L3MBTL3: variants seen among roughly 807,000 people sequenced by gnomAD.
L3MBTL3 encodes lethal(3)malignant brain tumor-like protein 3.
L3MBTL3 carries 27 observed loss-of-function variants against 102.3 expected under a neutral mutation model. The observed-to-expected ratio is 0.26, with a 90% CI of 0.19 to 0.36. The LOEUF (loss-of-function observed/expected upper bound fraction) is 0.36, where lower values mean the gene tolerates loss of function less well. Ranked by LOEUF, L3MBTL3 falls within the 10% of genes least tolerant of loss-of-function variation. The pLI, the probability that L3MBTL3 is intolerant of heterozygous loss-of-function variation, is 1.00. For missense variants in L3MBTL3, 798 were observed against 955.3 expected (o/e 0.84, Z 2.17); for synonymous variants, 340 against 320.9 (o/e 1.06, Z -0.64).
At chr6:130,055,013 A>G (rs1781373213) in intron 7 of L3MBTL3, 158 bp from the exon 8 acceptor site, 2 of 615,646 alleles carry the variant, frequency 3.2e-6, no homozygotes, top group South Asian at 3.8e-5. Context: ...GCCAAAAGCA[A>G]CAGTTTTCAG....
intron 2 of L3MBTL3, among the ~76,000 whole-genome samples, chr6:130,024,385 G>A (rs1490868019): frequency 6.6e-6 from 1 of 152,038 alleles, no homozygotes; most frequent in African/African-American, 2.4e-5. Flanking sequence ...AACCCTGACA[G>A]GTTTTAGTTT....
intron 7 of L3MBTL3, among the ~76,000 whole-genome samples, chr6:130,054,024 T>C (rs1443596261): frequency 6.6e-6 from 1 of 152,152 alleles, no homozygotes; most frequent in Non-Finnish European, 1.5e-5. Context: ...GGCATTAGGA[T>C]TGGCTGACTA....
At chr6:130,027,483 T>G (rs1779426492) in intron 2 of L3MBTL3, among the ~76,000 whole-genome samples, 1 of 152,176 alleles carries the variant, frequency 6.6e-6, no homozygotes, top group Admixed American at 6.5e-5. Flanking sequence ...GGTCTGGTTG[T>G]TAAATGATCT....
intron 5 of L3MBTL3, 134 bp from the exon 6 acceptor site, chr6:130,051,115 T>A (rs890429777): frequency 3.0e-6 from 2 of 661,166 alleles, no homozygotes; most frequent in Non-Finnish European, 5.0e-6. Flanking sequence ...CACTATCATT[T>A]GATCATTCAT....
chr6:130,056,428 A>G (rs968492176), intron 8 of L3MBTL3, among the ~76,000 whole-genome samples: 9 of 152,108 alleles, frequency 5.9e-5, no homozygotes, highest in Non-Finnish European at 5.9e-5. Flanking sequence ...TGCAGCCTGC[A>G]CAGTCAGTCA....
chr6:130,027,164 G>T (rs995040234), intron 2 of L3MBTL3, among the ~76,000 whole-genome samples: 5 of 152,070 alleles, frequency 3.3e-5, no homozygotes, highest in African/African-American at 1.2e-4. Flanking sequence ...TATGAGTTAC[G>T]GTGGATCAGG....
At chr6:130,027,148 C>CT (rs1206797036) in intron 2 of L3MBTL3, among the ~76,000 whole-genome samples, 1 of 152,138 alleles carries the variant, frequency 6.6e-6, no homozygotes, top group Non-Finnish European at 1.5e-5. Flanking sequence ...TTATATCTCT[C>CT]TGTTATATGA....
chr6:130,111,249 C>T (rs934593633), intron 19 of L3MBTL3, among the ~76,000 whole-genome samples: 6 of 152,200 alleles, frequency 3.9e-5, no homozygotes, highest in African/African-American at 1.4e-4. Flanking sequence ...GAACACAGAC[C>T]TGCTGGGAAA....
intron 20 of L3MBTL3, among the ~76,000 whole-genome samples, chr6:130,129,741 G>A (rs1582638744): frequency 6.6e-6 from 1 of 152,164 alleles, no homozygotes; most frequent in East Asian, 1.9e-4. Context: ...GGCAAAGGGA[G>A]GTGGCTGAAA....
chr6:130,071,388 G>C (rs1782633438), intron 13 of L3MBTL3, among the ~76,000 whole-genome samples: 1 of 152,070 alleles, frequency 6.6e-6, no homozygotes, highest in Non-Finnish European at 1.5e-5. Context: ...CCCAACATAT[G>C]TTCACACGTA....
At chr6:130,035,182 A>G (rs999155235) in intron 2 of L3MBTL3, among the ~76,000 whole-genome samples, 3 of 152,232 alleles carry the variant, frequency 2.0e-5, no homozygotes, top group Non-Finnish European at 2.9e-5. Flanking sequence ...CATTCAACAG[A>G]TACAAAAAAG....
At chr6:130,043,319 G>A (rs1584307756) in intron 3 of L3MBTL3, among the ~76,000 whole-genome samples, 1 of 152,080 alleles carries the variant, frequency 6.6e-6, no homozygotes, top group East Asian at 1.9e-4. Context: ...GTTCAAAATC[G>A]GGTTCTTCCT....
chr6:130,128,700 C>T (rs564146365), intron 20 of L3MBTL3, among the ~76,000 whole-genome samples: 1 of 152,106 alleles, frequency 6.6e-6, no homozygotes, highest in East Asian at 1.9e-4. Context: ...TCATTATTTT[C>T]TTAAGATGAA....
At chr6:130,055,024 A>T (rs1781374056) in intron 7 of L3MBTL3, 147 bp from the exon 8 acceptor site, 1 of 638,244 alleles carries the variant, frequency 1.6e-6, no homozygotes, top group Non-Finnish European at 2.8e-6. Flanking sequence ...CAGTTTTCAG[A>T]TGAACTATAT....
intron 17 of L3MBTL3, among the ~76,000 whole-genome samples, chr6:130,093,209 CGTT>C: frequency 6.6e-6 from 1 of 151,986 alleles, no homozygotes; most frequent in Admixed American, 6.6e-5. Flanking sequence ...CTTTGCAAAA[CGTT>C]AACATTGGGA....
chr6:130,134,038 A>G, intron 22 of L3MBTL3, 133 bp downstream of exon 22: 1 of 671,788 alleles, frequency 1.5e-6, no homozygotes, highest in Non-Finnish European at 2.6e-6. Context: ...ATTGATGTAT[A>G]CTAACAGGCA....
chr6:130,030,222 C>T (rs1779624165), intron 2 of L3MBTL3, among the ~76,000 whole-genome samples: 1 of 152,012 alleles, frequency 6.6e-6, no homozygotes, highest in Admixed American at 6.6e-5. Context: ...GTGCAAAGCA[C>T]TCTAGTGTAC....
chr6:130,056,427 C>T (rs1781514038), intron 8 of L3MBTL3, among the ~76,000 whole-genome samples: 1 of 152,224 alleles, frequency 6.6e-6, no homozygotes. Flanking sequence ...TTGCAGCCTG[C>T]ACAGTCAGTC....
At chr6:130,125,074 C>G (rs891066856) in intron 20 of L3MBTL3, among the ~76,000 whole-genome samples, 14 of 152,164 alleles carry the variant, frequency 9.2e-5, no homozygotes, top group Admixed American at 2.0e-4. Flanking sequence ...GTCCTGGAGG[C>G]TCCGTGCTGT....
Sources: gnomAD v4.1 joint callset for allele counts (sites outside exome capture counted in the v4.1 genomes callset) on GRCh38, gnomAD v4.1.1 for gene constraint, MANE v1.5 for transcripts, NCBI Gene and HGNC (gene_info 2026-07-23, HGNC 2026-07-21) for gene names.